Variants in ANKS1B observed in about 807,000 individuals in gnomAD.
The protein encoded by ANKS1B is ankyrin repeat and sterile alpha motif domain-containing protein 1B.
A neutral mutation model predicts 148.3 loss-of-function variants in ANKS1B; 36 were observed. That is an observed-to-expected ratio of 0.24 (90% CI 0.19 to 0.32). The LOEUF is 0.32. ANKS1B is among the 10% of genes least tolerant of loss of function. The pLI, the probability that ANKS1B is intolerant of heterozygous loss-of-function variation, is 1.00. For synonymous variants in ANKS1B, 542 were observed against 560.8 expected (o/e 0.97, Z 0.47); for missense variants, 1,157 against 1,542.6 (o/e 0.75, Z 4.19).
intron 9 of ANKS1B, among the ~76,000 whole-genome samples, chr12:99,551,087 C>G (rs2097213341): frequency 6.6e-6 from 1 of 152,164 alleles, no homozygotes; most frequent in African/African-American, 2.4e-5. Flanking sequence ...TATGTCCCAG[C>G]CTCCTGGAAG....
rs1188718469 is a variant in ANKS1B, at chr12:98,831,804, AGTG to A, written c.2886+222_2886+224del. ...TACTCTGTTGCCCAGGCTGGAGTGC[AGTG>A]GTGCGATCTCTGCTCACTGCAATGC... On this transcript the variant is annotated intron_variant, in intron 18 of 26. Coordinates refer to ENST00000683438, the MANE Select transcript of ANKS1B (RefSeq NM_001352186.2). The A allele has an allele frequency of 1.1e-4, 61 of 543,230 alleles. 1 individual carries two copies. In the East Asian group the frequency reaches 1.5e-3, roughly 13 times the overall value. 33.7% of individuals were successfully genotyped at this position (543,230 alleles called of 1,614,324 possible).
intron 16 of ANKS1B, among the ~76,000 whole-genome samples, chr12:99,067,862 ATGTGCGTGTGTGTGCATGTGTGTG>A (rs2044883702): frequency 6.9e-6 from 1 of 145,812 alleles, no homozygotes. Flanking sequence ...AGTCTGTTGT[ATGTGCGTGTGTGTGCATGTGTGTG>A]TGTGTGTGTG....
chr12:99,358,765 T>A (rs1241965380), intron 12 of ANKS1B, among the ~76,000 whole-genome samples: 3 of 152,048 alleles, frequency 2.0e-5, no homozygotes, highest in Non-Finnish European at 2.9e-5. Flanking sequence ...TAGAATGCCC[T>A]ATATGTAGTC....
intron 1 of ANKS1B, among the ~76,000 whole-genome samples, chr12:99,873,473 C>T (rs2153730408): frequency 6.6e-6 from 1 of 152,224 alleles, no homozygotes; most frequent in African/African-American, 2.4e-5. Flanking sequence ...TCTACCTATC[C>T]CTTTGTTTAC....
chr12:98,796,820 A>G (rs1008610077), intron 22 of ANKS1B, among the ~76,000 whole-genome samples: 1 of 152,220 alleles, frequency 6.6e-6, no homozygotes, highest in Non-Finnish European at 1.5e-5. Flanking sequence ...TAAGCAACAG[A>G]CAAGGATTTA....
At chr12:99,639,590 G>A (rs898406717) in intron 9 of ANKS1B, among the ~76,000 whole-genome samples, 3 of 152,096 alleles carry the variant, frequency 2.0e-5, no homozygotes, top group African/African-American at 7.2e-5. Context: ...GGAGGCAATT[G>A]GATCAGGGAC....
At chr12:99,668,715 T>C (rs954698907) in intron 8 of ANKS1B, among the ~76,000 whole-genome samples, 4 of 144,238 alleles carry the variant, frequency 2.8e-5, no homozygotes, top group Admixed American at 7.0e-5. Flanking sequence ...CCATTGTTTT[T>C]GTTATTTTTT....
chr12:99,831,755 G>C (rs953220112), intron 1 of ANKS1B, among the ~76,000 whole-genome samples: 8 of 151,838 alleles, frequency 5.3e-5, no homozygotes, highest in Non-Finnish European at 7.4e-5. Flanking sequence ...TCCCTGGGAG[G>C]AGAAAGTCTA....
chr12:99,646,989 GA>G (rs796383764), intron 9 of ANKS1B, among the ~76,000 whole-genome samples: 2,191 of 135,884 alleles, frequency 0.016, 40 homozygotes, highest in African/African-American at 0.052. Flanking sequence ...TATAGAAACA[GA>G]AAAAAAAAAA....
At chr12:98,898,840 G>A (rs1187653006) in intron 17 of ANKS1B, among the ~76,000 whole-genome samples, 1 of 152,078 alleles carries the variant, frequency 6.6e-6, no homozygotes, top group Non-Finnish European at 1.5e-5. Flanking sequence ...TCTGACCACT[G>A]TAACCCAGTG....
intron 12 of ANKS1B, among the ~76,000 whole-genome samples, chr12:99,291,390 AT>A (rs2079953246): frequency 2.0e-5 from 3 of 152,134 alleles, no homozygotes; most frequent in Non-Finnish European, 4.4e-5. Context: ...TAGAAAAAAA[AT>A]TTCCTAAAAT....
At chr12:99,087,915 T>C (rs1224089037) in intron 15 of ANKS1B, among the ~76,000 whole-genome samples, 9 of 101,808 alleles carry the variant, frequency 8.8e-5, no homozygotes, top group Non-Finnish European at 1.8e-4. Context: ...ACACCTCCAA[T>C]ATGCTATTTT....
At chr12:99,955,479 C>G (rs1309033304) in intron 1 of ANKS1B, among the ~76,000 whole-genome samples, 2 of 106,780 alleles carry the variant, frequency 1.9e-5, no homozygotes, top group Non-Finnish European at 3.4e-5. Flanking sequence ...GGCGACAGAG[C>G]GAAACTCCGT....
intron 12 of ANKS1B, among the ~76,000 whole-genome samples, chr12:99,391,254 T>G (rs2094056063): frequency 1.3e-5 from 2 of 152,202 alleles, no homozygotes; most frequent in African/African-American, 2.4e-5. Flanking sequence ...AGATCATCTC[T>G]CTTCGTTTAA....
At chr12:98,885,660 C>T (rs1202039114) in intron 17 of ANKS1B, among the ~76,000 whole-genome samples, 1 of 152,138 alleles carries the variant, frequency 6.6e-6, no homozygotes, top group Non-Finnish European at 1.5e-5. Flanking sequence ...ATCTCTCCCT[C>T]CACCACCCCC....
intron 17 of ANKS1B, among the ~76,000 whole-genome samples, chr12:99,017,803 T>C (rs930285980): frequency 2.0e-5 from 3 of 152,182 alleles, no homozygotes; most frequent in African/African-American, 4.8e-5. Flanking sequence ...ATTGATCTGG[T>C]CTGTGCAGTG....
Position 99,065,590 on chromosome 12 carries a change from TCATCCATC to T in ANKS1B, c.2626-12289_2626-12282del, listed in dbSNP as rs200122902. The stretch of plus-strand genomic sequence containing the variant: ...AATGAGGACCTACCATCCATTCCAT[TCATCCATC>T]CATCCATCCATCCATCCATCCATCC... On this transcript the variant is annotated intron_variant, in intron 16 of 26. Transcript: ENST00000683438. Among the ~76,000 whole-genome samples, 321 of 67,432 alleles carry T rather than the reference TCATCCATC, an allele frequency of 4.8e-3. 2 individuals are homozygous for T. Among genetic ancestry groups the T allele is most frequent in the African/African-American group, 9.6e-3 (273 of 28,298 alleles). 44.2% of individuals were successfully genotyped at this position (67,432 alleles called of 152,430 possible). A position where few individuals can be genotyped will look rare whatever the true frequency, so the allele number is the denominator to read the frequency against.
At chr12:99,915,194 C>A (rs2094134685) in intron 1 of ANKS1B, among the ~76,000 whole-genome samples, 1 of 137,704 alleles carries the variant, frequency 7.3e-6, no homozygotes. Context: ...CATTGCACTC[C>A]AGCATGGGCA....
intron 17 of ANKS1B, among the ~76,000 whole-genome samples, chr12:98,877,088 G>C (rs897998672): frequency 5.3e-5 from 8 of 152,164 alleles, no homozygotes; most frequent in Non-Finnish European, 8.8e-5. Flanking sequence ...GGGCCAGTTG[G>C]GGTCTGAGTG....
Sources: gnomAD v4.1 joint callset for allele counts (sites outside exome capture counted in the v4.1 genomes callset) on GRCh38, gnomAD v4.1.1 for gene constraint, MANE v1.5 for transcripts, NCBI Gene and HGNC (gene_info 2026-07-23, HGNC 2026-07-21) for gene names.